Variants in PCDHA11 observed in about 807,000 individuals in gnomAD.
PCDHA11 encodes protocadherin alpha-11.
In PCDHA11, 61 loss-of-function variants were observed where a neutral mutation model predicts 70.3. The observed-to-expected ratio is 0.87, with a 90% confidence interval of 0.71 to 1.07. The LOEUF (loss-of-function observed/expected upper bound fraction) is 1.07, where lower values mean the gene tolerates loss of function less well. Among genes scored for constraint, PCDHA11 ranks in the 50% least tolerant of loss-of-function variants. The probability of loss-of-function intolerance (pLI) is 0.00; values close to 1 mark genes in which losing one functional copy is unlikely to be tolerated. For missense variants in PCDHA11, 1,324 were observed against 1,237.5 expected (o/e 1.07, Z -1.05); for synonymous variants, 633 against 555.1 (o/e 1.14, Z -1.97).
intron 1 of PCDHA11, among the ~76,000 whole-genome samples, chr5:140,913,163 T>C (rs1248646454): frequency 1.3e-5 from 2 of 152,198 alleles, no homozygotes; most frequent in African/African-American, 4.8e-5. Context: ...AGGATTGGTA[T>C]TAGTTCTTCT....
At chr5:140,930,649 G>A (rs1300720133) in intron 1 of PCDHA11, among the ~76,000 whole-genome samples, 1 of 152,156 alleles carries the variant, frequency 6.6e-6, no homozygotes, top group Non-Finnish European at 1.5e-5. Context: ...GGAAAATGAA[G>A]CATTCCTTGT....
At chr5:140,975,010 C>T (rs2096649304) in intron 1 of PCDHA11, among the ~76,000 whole-genome samples, 1 of 152,182 alleles carries the variant, frequency 6.6e-6, no homozygotes, top group Admixed American at 6.5e-5. Context: ...GAAATGAACA[C>T]AGCTGGGCTG....
intron 1 of PCDHA11, chr5:140,927,653 G>A: frequency 6.2e-7 from 1 of 1,614,190 alleles, no homozygotes; most frequent in Non-Finnish European, 8.5e-7. Context: ...GTGTTATTCC[G>A]AGTTCAAGCC....
At chr5:140,884,112 C>T (rs2153400405) in intron 1 of PCDHA11, 1 of 1,613,306 alleles carries the variant, frequency 6.2e-7, no homozygotes. Flanking sequence ...CAGCTGGCGG[C>T]GGTCGGCGCG....
chr5:140,990,611 G>T lies in PCDHA11; in HGVS notation c.2539+8048G>T, dbSNP rs577900189. ...AATCACCTGGAGTCAGATGAATACCGTAAAGGTCTGTGGTAAGACTAGAAG... is the reference window on the plus strand; with the variant it reads ...AATCACCTGGAGTCAGATGAATACCTTAAAGGTCTGTGGTAAGACTAGAAG... On this transcript the variant is annotated intron_variant, in intron 3 of 3. Transcript: ENST00000398640. 5.3e-5 allele frequency among the ~76,000 whole-genome samples: 8 copies of T among 152,230 alleles called. No homozygotes were observed. In the East Asian group the frequency reaches 9.6e-4, roughly 18 times the overall value.
intron 1 of PCDHA11, among the ~76,000 whole-genome samples, chr5:140,924,406 C>T (rs1353288147): frequency 6.6e-6 from 1 of 152,132 alleles, no homozygotes; most frequent in Non-Finnish European, 1.5e-5. Context: ...CCTTATATCA[C>T]AGTGTGCCCT....
intron 2 of PCDHA11, among the ~76,000 whole-genome samples, chr5:140,981,442 C>T (rs1379745081): frequency 6.6e-6 from 1 of 151,988 alleles, no homozygotes; most frequent in Non-Finnish European, 1.5e-5. Flanking sequence ...GGCATGGTGG[C>T]GGGTGCCTGT....
chr5:140,882,745 T>C (rs782756975), intron 1 of PCDHA11: 1 of 1,614,124 alleles, frequency 6.2e-7, no homozygotes, highest in Non-Finnish European at 8.5e-7. Flanking sequence ...GCGCATCCGA[T>C]GCAGATATTG....
At position 140,882,588 on chromosome 5, in the gene PCDHA11, A is replaced by G; in HGVS notation, c.2391+11094A>G. The G allele has an allele frequency of 1.2e-6, 2 of 1,614,186 alleles. No homozygotes were observed. Among genetic ancestry groups the G allele is most frequent in the African/African-American group, 1.3e-5 (1 of 75,040 alleles). ...AGCGCGGAGTGCAGCATCCACCTGG[A>G]GGTGATCGTGGACAGGCCTCTGCAG... On this transcript the variant is annotated intron_variant, in intron 1 of 3. Coordinates refer to ENST00000398640, the MANE Select transcript of PCDHA11 (RefSeq NM_018902.5).
At chr5:140,989,533 T>C (rs114286041) in intron 3 of PCDHA11, among the ~76,000 whole-genome samples, 1,576 of 152,276 alleles carry the variant, frequency 0.01, 12 homozygotes, top group Middle Eastern at 0.058. Flanking sequence ...AGGAGGAAGA[T>C]AGTTTGTAAT....
rs782681619 is a variant in PCDHA11, at chr5:141,009,600, A to G, written c.2540-27A>G. On this transcript the variant is annotated intron_variant, in intron 3 of 3. Coordinates refer to ENST00000398640, the MANE Select transcript of PCDHA11 (RefSeq NM_018902.5). ...ATCAAGAGCATGTGTTGACCCTGTT[A>G]ATGATTTGTAATGTTTTGTCTTTCA... The G allele has an allele frequency of 1.9e-6, 3 of 1,607,002 alleles. No individual in the cohort carries two copies. In the Admixed American group the frequency reaches 5.0e-5, roughly 27 times the overall value.
chr5:140,884,433 G>T, intron 1 of PCDHA11: 1 of 1,613,908 alleles, frequency 6.2e-7, no homozygotes, highest in Admixed American at 1.7e-5. Context: ...ACTGCGCTGC[G>T]GTGCTCGGCA....
At chr5:140,921,473 C>T (rs2080232887) in intron 1 of PCDHA11, among the ~76,000 whole-genome samples, 1 of 152,186 alleles carries the variant, frequency 6.6e-6, no homozygotes, top group African/African-American at 2.4e-5. Flanking sequence ...CACTACCAAA[C>T]CACTCTACCT....
intron 3 of PCDHA11, among the ~76,000 whole-genome samples, chr5:141,008,171 G>A (rs1441350888): frequency 6.6e-6 from 1 of 152,148 alleles, no homozygotes; most frequent in African/African-American, 2.4e-5. Flanking sequence ...GGACTAAAAT[G>A]TGACCATTGA....
rs183715022 is a variant in PCDHA11 at position 140,950,136 on chromosome 5, A to G, written c.2392-28813A>G. Among the ~76,000 whole-genome samples, 19 of 152,068 alleles carry G rather than the reference A, an allele frequency of 1.2e-4. No individual in the cohort carries two copies. The East Asian group carries it at 3.7e-3, about 29-fold the overall frequency. ...AATACAAAACCCACAAGACACAGTT[A>G]TAATTTTTGTTTAAGCAGTTATTAT... On this transcript the variant is annotated intron_variant, in intron 1 of 3. Transcript: ENST00000398640.
intron 3 of PCDHA11, among the ~76,000 whole-genome samples, chr5:141,006,898 C>A (rs2098293427): frequency 6.6e-6 from 1 of 152,152 alleles, no homozygotes; most frequent in East Asian, 1.9e-4. Context: ...TTTCAGATTT[C>A]TTCAGTTTGG....
intron 1 of PCDHA11, chr5:140,883,195 T>A (rs781816525): frequency 6.2e-7 from 1 of 1,613,786 alleles, no homozygotes; most frequent in Non-Finnish European, 8.5e-7. Context: ...GCAAACTAGA[T>A]TTCGAAGAAA....
At chr5:140,915,469 A>G (rs2077137068) in intron 1 of PCDHA11, among the ~76,000 whole-genome samples, 1 of 152,034 alleles carries the variant, frequency 6.6e-6, no homozygotes, top group Admixed American at 6.6e-5. Context: ...TTTTTATTTG[A>G]AGGAGCTTGG....
intron 1 of PCDHA11, among the ~76,000 whole-genome samples, chr5:140,912,063 A>C (rs1458411803): frequency 6.6e-6 from 1 of 152,214 alleles, no homozygotes; most frequent in Non-Finnish European, 1.5e-5. Context: ...CTTGGAGTCC[A>C]ATGTTCAAGG....
Sources: allele counts gnomAD v4.1 joint callset (sites outside exome capture counted in the v4.1 genomes callset), GRCh38; gene constraint gnomAD v4.1.1; transcripts MANE v1.5; gene names NCBI Gene and HGNC (gene_info 2026-07-23, HGNC 2026-07-21).